Variants in GABRR1 observed in about 807,000 individuals in gnomAD.
GABRR1 encodes gamma-aminobutyric acid type A receptor subunit rho1.
A neutral mutation model predicts 55.5 loss-of-function variants in GABRR1; 59 were observed. That is an observed-to-expected ratio of 1.06 (90% CI 0.86 to 1.32). GABRR1 has a LOEUF of 1.32. GABRR1 is among the 40% of genes most tolerant of loss of function. GABRR1 has a pLI of 0.00. For synonymous variants in GABRR1, 213 were observed against 226.0 expected, an observed-to-expected ratio of 0.94 and a Z score of 0.51; for missense variants, 602 against 619.1, an observed-to-expected ratio of 0.97 and a Z score of 0.29.
upstream of GABRR1, among the ~76,000 whole-genome samples, chr6:89,220,131 G>C (rs1209612694): frequency 5.3e-5 from 8 of 152,200 alleles, no homozygotes; most frequent in Non-Finnish European, 1.2e-4. Flanking sequence ...TGGGGAGGTA[G>C]AAAGGACATT....
At chr6:89,206,641 A>T (rs1772656355) in intron 1 of GABRR1, among the ~76,000 whole-genome samples, 1 of 150,186 alleles carries the variant, frequency 6.7e-6, no homozygotes. Flanking sequence ...TTGAAACAAG[A>T]TCTCTCTCTG....
At chr6:89,180,932 C>T (rs1011790244) in intron 8 of GABRR1, among the ~76,000 whole-genome samples, 2 of 152,114 alleles carry the variant, frequency 1.3e-5, no homozygotes, top group Non-Finnish European at 2.9e-5. Context: ...GTCCTGTTGT[C>T]CTGGGCCTGC....
intron 1 of GABRR1, among the ~76,000 whole-genome samples, chr6:89,224,934 C>T (rs2127812264): frequency 6.6e-6 from 1 of 152,258 alleles, no homozygotes; most frequent in South Asian, 2.1e-4. Context: ...AGGCACCCAA[C>T]ACCACACCCA....
chr6:89,187,244 A>C (rs114107130), intron 6 of GABRR1, among the ~76,000 whole-genome samples: 2,250 of 151,986 alleles, frequency 0.015, 56 homozygotes, highest in African/African-American at 0.05. Flanking sequence ...GTTGTGTTAA[A>C]ATACACATAA....
At position 89,190,153 on chromosome 6, in the gene GABRR1, A is replaced by G. The variant is rs183591836; in HGVS notation, c.655+12T>C. 6.3e-7 allele frequency: 1 copy of G among 1,595,484 alleles called. No individual in the cohort carries two copies. Among genetic ancestry groups the G allele is most frequent in the East Asian group, 2.3e-5 (1 of 44,304 alleles). On this transcript the variant is annotated intron_variant, in intron 6 of 9. Transcript: ENST00000454853. ...GAGCTGTGTGCTGATGCCCGGGGACAAGTCTACTCACAGCTTTCAATTTCA... is the reference window on the plus strand; with the variant it reads ...GAGCTGTGTGCTGATGCCCGGGGACGAGTCTACTCACAGCTTTCAATTTCA...
intron 1 of GABRR1, among the ~76,000 whole-genome samples, chr6:89,207,471 A>G (rs1772687718): frequency 6.6e-6 from 1 of 152,190 alleles, no homozygotes; most frequent in Non-Finnish European, 1.5e-5. Context: ...CTGGGATTAC[A>G]AGTGTGAGCC....
At chr6:89,189,845 G>T (rs1289750078) in intron 6 of GABRR1, among the ~76,000 whole-genome samples, 1 of 152,142 alleles carries the variant, frequency 6.6e-6, no homozygotes, top group Non-Finnish European at 1.5e-5. Flanking sequence ...AGGCGTTGGA[G>T]ATCAGCCTGG....
At chr6:89,217,373 T>C (rs373499416), upstream of GABRR1, 25 of 1,593,124 alleles carry the variant, frequency 1.6e-5, no homozygotes, top group East Asian at 1.1e-4. Context: ...AAGGAAAAGA[T>C]TGTTCTTTTT....
chr6:89,226,220 G>A (rs988635560), intron 1 of GABRR1, among the ~76,000 whole-genome samples: 30 of 149,862 alleles, frequency 2.0e-4, no homozygotes, highest in African/African-American at 7.5e-4. Flanking sequence ...TAGGTTGCCT[G>A]TTCACTCTGA....
intron 3 of GABRR1, among the ~76,000 whole-genome samples, chr6:89,199,962 A>AT (rs1345222051): frequency 1.3e-5 from 2 of 152,114 alleles, no homozygotes; most frequent in African/African-American, 2.4e-5. Context: ...AAAACATTAG[A>AT]TTTTTTGTTA....
At chr6:89,191,589 TTC>T (rs1562291838) in intron 5 of GABRR1, among the ~76,000 whole-genome samples, 15 of 152,116 alleles carry the variant, frequency 9.9e-5, no homozygotes. Context: ...GAGTTGATGC[TTC>T]TCTCCATATA....
intron 5 of GABRR1, among the ~76,000 whole-genome samples, chr6:89,192,848 C>T (rs563082705): frequency 8.5e-5 from 13 of 152,332 alleles, no homozygotes; most frequent in Non-Finnish European, 1.5e-4. Flanking sequence ...GCCTGAGCCA[C>T]CATGCCCGGC....
intron 1 of GABRR1, among the ~76,000 whole-genome samples, chr6:89,209,238 C>A (rs1393344140): frequency 6.6e-6 from 1 of 152,048 alleles, no homozygotes; most frequent in African/African-American, 2.4e-5. Flanking sequence ...CATATGCCTC[C>A]CACTTGAAGA....
At chr6:89,179,574 C>T (rs1288882104) in intron 9 of GABRR1, among the ~76,000 whole-genome samples, 2 of 152,186 alleles carry the variant, frequency 1.3e-5, no homozygotes, top group African/African-American at 2.4e-5. Context: ...GAAAATATCA[C>T]AGTGCCATAC....
At chr6:89,194,362 C>A (rs1772195450) in intron 5 of GABRR1, among the ~76,000 whole-genome samples, 1 of 152,058 alleles carries the variant, frequency 6.6e-6, no homozygotes, top group Non-Finnish European at 1.5e-5. Flanking sequence ...TAAGGTGCCA[C>A]CTGGAGCTGA....
intron 2 of GABRR1, among the ~76,000 whole-genome samples, chr6:89,202,755 T>TG (rs1298940310): frequency 6.6e-6 from 1 of 152,132 alleles, no homozygotes; most frequent in Non-Finnish European, 1.5e-5. Flanking sequence ...CTGGATTCAG[T>TG]GACCTATCAT....
chr6:89,223,595 T>G (rs1773146155), intron 1 of GABRR1, among the ~76,000 whole-genome samples: 1 of 152,192 alleles, frequency 6.6e-6, no homozygotes, highest in South Asian at 2.1e-4. Flanking sequence ...AAATGGTAGT[T>G]TCTACTTTTA....
Position 89,204,605 on chromosome 6 carries a change from G to C in GABRR1, c.123-1120C>G, listed in dbSNP as rs560773057. The C allele has an allele frequency of 4.7e-6, 6 of 1,268,386 alleles. No individual in the cohort carries two copies. The South Asian group carries it at 6.5e-5, about 14-fold the overall frequency. 78.6% of individuals were successfully genotyped at this position (1,268,386 alleles called of 1,614,324 possible). A position where few individuals can be genotyped will look rare whatever the true frequency, so the allele number is the denominator to read the frequency against. ...TTGGCCCAGCTCTTACTTTGACTTT[G>C]GGCCAGCCTGAAATGGAACCAGTCA... On this transcript the variant is annotated intron_variant, in intron 1 of 9. Transcript: ENST00000454853.
intron 1 of GABRR1, among the ~76,000 whole-genome samples, chr6:89,225,913 C>A (rs1773193610): frequency 6.8e-6 from 1 of 146,442 alleles, no homozygotes; most frequent in Non-Finnish European, 1.5e-5. Flanking sequence ...TCTCCACATC[C>A]TCTCCAGCAC....
Sources: allele counts gnomAD v4.1 joint callset (sites outside exome capture counted in the v4.1 genomes callset), GRCh38; gene constraint gnomAD v4.1.1; transcripts MANE v1.5; gene names NCBI Gene and HGNC (gene_info 2026-07-23, HGNC 2026-07-21).